MBD5: variants seen among roughly 807,000 people sequenced by gnomAD.
The protein encoded by MBD5 is methyl-CpG binding domain protein 5, also known as methyl-CpG-binding domain protein 5.
MBD5 carries 13 observed loss-of-function variants against 117.3 expected under a neutral mutation model. The ratio of observed to expected loss-of-function variants is 0.11; its 90% confidence interval spans 0.07 to 0.18. The LOEUF is 0.18. Among genes scored for constraint, MBD5 ranks in the 10% least tolerant of loss-of-function variants. The pLI, the probability that MBD5 is intolerant of heterozygous loss-of-function variation, is 1.00. For synonymous variants in MBD5, 727 were observed against 766.4 expected, an observed-to-expected ratio of 0.95 and a Z score of 0.85; for missense variants, 1,879 against 2,093.8, an observed-to-expected ratio of 0.90 and a Z score of 2.00.
chr2:148,298,684 T>C (rs1378664519), intron 3 of MBD5, among the ~76,000 whole-genome samples: 2 of 152,238 alleles, frequency 1.3e-5, no homozygotes, highest in Admixed American at 6.5e-5. Context: ...ACTTTATTAC[T>C]GTATGATTTA....
intron 1 of MBD5, among the ~76,000 whole-genome samples, chr2:148,074,466 C>A (rs1312025): frequency 0.63 from 92,653 of 148,222 alleles, 29,801 homozygotes; most frequent in African/African-American, 0.77. Flanking sequence ...GAAACTAGTA[C>A]CTTCAAAGGA....
At chr2:148,378,056 C>T (rs185358646) in intron 4 of MBD5, among the ~76,000 whole-genome samples, 19 of 152,244 alleles carry the variant, frequency 1.2e-4, no homozygotes, top group Non-Finnish European at 2.5e-4. Context: ...AAACCAGTAA[C>T]CTTCCTGTAT....
At chr2:148,043,102 A>G (rs1016968972) in intron 1 of MBD5, among the ~76,000 whole-genome samples, 3 of 151,948 alleles carry the variant, frequency 2.0e-5, no homozygotes, top group African/African-American at 7.3e-5. Context: ...AAAATTGCAG[A>G]CTATTGGACT....
At chr2:148,177,791 T>C (rs1698426173) in intron 1 of MBD5, among the ~76,000 whole-genome samples, 1 of 152,198 alleles carries the variant, frequency 6.6e-6, no homozygotes, top group African/African-American at 2.4e-5. Context: ...AAGTGTTTGA[T>C]TGTACAGCTG....
At chr2:148,238,054 C>G (rs992108902) in intron 3 of MBD5, among the ~76,000 whole-genome samples, 2 of 152,136 alleles carry the variant, frequency 1.3e-5, no homozygotes, top group African/African-American at 4.8e-5. Flanking sequence ...ACATAGTTAT[C>G]CCACTCTGCA....
chr2:148,159,996 G>C (rs1430622586), intron 1 of MBD5, among the ~76,000 whole-genome samples: 1 of 152,156 alleles, frequency 6.6e-6, no homozygotes, highest in East Asian at 1.9e-4. Flanking sequence ...TGTAAAATTT[G>C]TCTGTGTTCT....
intron 2 of MBD5, among the ~76,000 whole-genome samples, chr2:148,192,615 A>T (rs1487247028): frequency 7.7e-6 from 1 of 129,928 alleles, no homozygotes; most frequent in East Asian, 2.3e-4. Context: ...ATTTCAAAAT[A>T]ATAAGAGCTA....
In MBD5 at chr2:148,463,781, G is replaced by T. The variant is rs755990856; in HGVS notation, c.259G>T (p.Ala87Ser). The change falls in exon 7 of 14, where the codon GCA becomes TCA. Residue 87 changes from alanine to serine, a missense_variant. By Grantham distance (99) the Ala-to-Ser change is moderately conservative. Coordinates refer to ENST00000642680, the MANE Select transcript of MBD5 (RefSeq NM_001378120.1). Reference protein sequence around the residue: ...DPGAAVKQRTAEDVKADEDVT... With the variant: ...DPGAAVKQRTSEDVKADEDVT... ...TGGAGCTGCTGTGAAACAGAGAACCGCAGAAGATGTTAAGGCAGATGAAGA... is the reference window on the plus strand; with the variant it reads ...TGGAGCTGCTGTGAAACAGAGAACCTCAGAAGATGTTAAGGCAGATGAAGA... 1 of 1,613,754 alleles carries T rather than the reference G, an allele frequency of 6.2e-7. No homozygotes were observed. Among genetic ancestry groups the T allele is most frequent in the Non-Finnish European group, 8.5e-7 (1 of 1,179,766 alleles).
intron 4 of MBD5, among the ~76,000 whole-genome samples, chr2:148,388,435 G>C (rs1359098381): frequency 2.6e-5 from 4 of 152,122 alleles, no homozygotes; most frequent in Non-Finnish European, 5.9e-5. Flanking sequence ...AATTACTTCT[G>C]AGGCAGGGAG....
intron 3 of MBD5, chr2:148,296,469 T>C (rs1701651653): frequency 6.4e-6 from 1 of 155,792 alleles, no homozygotes; most frequent in South Asian, 1.9e-4. Flanking sequence ...TTTCCTGAAA[T>C]GGATGACAAA....
chr2:148,060,994 T>G (rs1003095853), intron 1 of MBD5, among the ~76,000 whole-genome samples: 11 of 152,136 alleles, frequency 7.2e-5, no homozygotes, highest in Admixed American at 2.6e-4. Flanking sequence ...TTCTCATACA[T>G]TTTCTTCTCC....
intron 1 of MBD5, among the ~76,000 whole-genome samples, chr2:148,023,480 CA>C (rs1693821387): frequency 1.3e-5 from 2 of 152,032 alleles, no homozygotes; most frequent in Non-Finnish European, 2.9e-5. Flanking sequence ...TAAATTTGAA[CA>C]ATTTTTTACC....
At chr2:148,123,569 T>C (rs1558935374) in intron 1 of MBD5, among the ~76,000 whole-genome samples, 1 of 152,136 alleles carries the variant, frequency 6.6e-6, no homozygotes, top group Non-Finnish European at 1.5e-5. Flanking sequence ...ATGGATAATA[T>C]AGGTTGTGTT....
At chr2:148,153,188 T>G (rs891635798) in intron 1 of MBD5, among the ~76,000 whole-genome samples, 1 of 151,368 alleles carries the variant, frequency 6.6e-6, no homozygotes, top group Non-Finnish European at 1.5e-5. Flanking sequence ...TTATTTCTCC[T>G]TCACTTATGA....
chr2:148,145,324 C>T (rs1159518873), intron 1 of MBD5, among the ~76,000 whole-genome samples: 1 of 152,164 alleles, frequency 6.6e-6, no homozygotes, highest in Non-Finnish European at 1.5e-5. Context: ...GCTGAAGTTG[C>T]TTATCAGCTT....
At chr2:148,238,520 T>C (rs1700139955) in intron 3 of MBD5, among the ~76,000 whole-genome samples, 1 of 152,226 alleles carries the variant, frequency 6.6e-6, no homozygotes, top group South Asian at 2.1e-4. Flanking sequence ...ATACTTCCAC[T>C]AGAAAAATAA....
intron 1 of MBD5, among the ~76,000 whole-genome samples, chr2:148,160,759 C>T (rs999241618): frequency 6.6e-6 from 1 of 152,086 alleles, no homozygotes; most frequent in African/African-American, 2.4e-5. Flanking sequence ...CTTAGTCCAC[C>T]GAATTTTAAT....
intron 4 of MBD5, among the ~76,000 whole-genome samples, chr2:148,445,944 C>T (rs546406795): frequency 3.2e-4 from 49 of 151,176 alleles, no homozygotes; most frequent in South Asian, 2.9e-3. Flanking sequence ...TTTTGAGAAG[C>T]GTCTGTTCAT....
At position 148,487,740 on chromosome 2, in the gene MBD5, G is replaced by GACAC. The variant is rs113925666; in HGVS notation, c.3754-1633_3754-1630dup. On this transcript the variant is annotated intron_variant, in intron 10 of 13. Coordinates refer to ENST00000642680, the MANE Select transcript of MBD5 (RefSeq NM_001378120.1). ...AAAGAAGTAGATTTTAGCTGTTCTT[G>GACAC]ACACACACACACACACTACTATATG... Among the ~76,000 whole-genome samples the GACAC allele has an allele frequency of 4.4e-4, 66 of 151,088 alleles. 1 individual carries two copies. Among genetic ancestry groups the GACAC allele is most frequent in the African/African-American group, 1.5e-3 (61 of 41,280 alleles).
Sources: allele counts gnomAD v4.1 joint callset (sites outside exome capture counted in the v4.1 genomes callset), GRCh38; gene constraint gnomAD v4.1.1; transcripts MANE v1.5; gene names NCBI Gene and HGNC (gene_info 2026-07-23, HGNC 2026-07-21).